The following MAP2K6 variants were observed in gnomAD, a reference collection of about 807,000 sequenced individuals.
The protein encoded by MAP2K6 is mitogen-activated protein kinase kinase 6.
Under a neutral mutation model 53.7 loss-of-function variants are expected in MAP2K6, and 16 were observed. That is an observed-to-expected ratio of 0.30 (90% CI 0.20 to 0.45). The LOEUF (loss-of-function observed/expected upper bound fraction) is 0.45, where lower values mean the gene tolerates loss of function less well. Among genes scored for constraint, MAP2K6 ranks in the 20% least tolerant of loss-of-function variants. The pLI, the probability that MAP2K6 is intolerant of heterozygous loss-of-function variation, is 1.00. For missense variants in MAP2K6, 204 were observed against 411.9 expected, an observed-to-expected ratio of 0.50 and a Z score of 4.37; for synonymous variants, 132 against 143.1, an observed-to-expected ratio of 0.92 and a Z score of 0.55.
At chr17:69,455,692 C>T (rs777982542) in intron 1 of MAP2K6, among the ~76,000 whole-genome samples, 86 of 152,158 alleles carry the variant, frequency 5.7e-4, no homozygotes, top group Admixed American at 7.2e-4. Context: ...CACATATGGT[C>T]TCTGCATATT....
chr17:69,435,038 C>T (rs1415841640), intron 1 of MAP2K6: 1 of 152,162 alleles, frequency 6.6e-6, no homozygotes, highest in Non-Finnish European at 1.5e-5. Flanking sequence ...TTCCTGCACT[C>T]CAGTTGGGCT....
chr17:69,462,954 T>C (rs1446994259), intron 1 of MAP2K6, among the ~76,000 whole-genome samples: 1 of 7,466 alleles, frequency 1.3e-4, no homozygotes, highest in Non-Finnish European at 5.1e-4. Context: ...ACTTGTCTTT[T>C]TTTTTTTTTT....
intron 10 of MAP2K6, 96 bp downstream of exon 10, chr17:69,526,805 C>T: frequency 7.1e-7 from 1 of 1,414,614 alleles, no homozygotes. Context: ...TGCATACATT[C>T]ATTCCGAAAG....
intron 1 of MAP2K6, among the ~76,000 whole-genome samples, chr17:69,421,624 C>T (rs1284333537): frequency 1.3e-5 from 2 of 151,466 alleles, no homozygotes; most frequent in Non-Finnish European, 2.9e-5. Flanking sequence ...CTGCAACCTC[C>T]GCCTCCTGGG....
At chr17:69,449,567 T>TTG (rs1567821822) in intron 1 of MAP2K6, among the ~76,000 whole-genome samples, 5 of 113,442 alleles carry the variant, frequency 4.4e-5, no homozygotes, top group African/African-American at 2.4e-4. Flanking sequence ...CTTTATTTCT[T>TTG]TCTTTCTTTC....
Position 69,541,784 on chromosome 17 carries a change from T to C in MAP2K6, c.*31T>C. On this transcript the variant is annotated 3_prime_UTR_variant, in exon 12 of 12. Coordinates refer to ENST00000590474, the MANE Select transcript of MAP2K6 (RefSeq NM_002758.4). ...AGTGGACTTAATCGGTTGACCCTAC[T>C]GTGGATTGGTGGGTTTCGGGGTGAA... The C allele has an allele frequency of 6.4e-7, 1 of 1,565,012 alleles. No individual in the cohort carries two copies. The highest frequency in any genetic ancestry group is 8.8e-7 in the Non-Finnish European group (1 of 1,137,744).
chr17:69,476,304 A>G (rs1460404117), intron 1 of MAP2K6, among the ~76,000 whole-genome samples: 2 of 152,194 alleles, frequency 1.3e-5, no homozygotes, highest in Non-Finnish European at 2.9e-5. Context: ...CTTCACTAAA[A>G]AACCCCTCAA....
chr17:69,525,080 G>A, intron 9 of MAP2K6, 102 bp downstream of exon 9: 1 of 920,994 alleles, frequency 1.1e-6, no homozygotes, highest in South Asian at 1.4e-5. Flanking sequence ...TGCTGGTTTG[G>A]GGCGCCCTCT....
intron 1 of MAP2K6, among the ~76,000 whole-genome samples, chr17:69,500,114 G>T (rs1287945715): frequency 1.3e-5 from 2 of 152,144 alleles, no homozygotes; most frequent in African/African-American, 4.8e-5. Context: ...TTCTGACTCT[G>T]AAATCAAACT....
chr17:69,480,433 G>A lies in MAP2K6; in HGVS notation c.17-25347G>A, dbSNP rs148888181. Among the ~76,000 whole-genome samples the A allele has an allele frequency of 3.6e-3, 544 of 152,324 alleles. 3 individuals carry two copies. The highest frequency in any genetic ancestry group is 0.012 in the African/African-American group (518 of 41,558). ...TAGTTTCAGCTTTTCAGAGAGCAAA[G>A]CTTCTGGTCCAACAGTATTTGGAAA... On this transcript the variant is annotated intron_variant, in intron 1 of 11. Transcript: ENST00000590474.
chr17:69,417,951 T>C (rs1054397339), intron 1 of MAP2K6, among the ~76,000 whole-genome samples: 2 of 152,230 alleles, frequency 1.3e-5, no homozygotes, highest in Admixed American at 6.5e-5. Flanking sequence ...AAGTAAATCA[T>C]GTAAGAAATG....
chr17:69,520,245 A>G (rs1265835634), intron 5 of MAP2K6, 25 bp from the exon 6 acceptor site: 1 of 1,203,054 alleles, frequency 8.3e-7, no homozygotes, highest in Non-Finnish European at 1.2e-6. Flanking sequence ...CCTTTTAAAC[A>G]ATTCCTGAAA....
intron 1 of MAP2K6, among the ~76,000 whole-genome samples, chr17:69,462,869 C>T (rs192341033): frequency 4.2e-4 from 64 of 150,886 alleles, no homozygotes; most frequent in African/African-American, 1.3e-3. Context: ...CTGAGGCGGG[C>T]GGAAAACGAG....
intron 1 of MAP2K6, among the ~76,000 whole-genome samples, chr17:69,437,305 G>C (rs1906679480): frequency 1.3e-5 from 2 of 152,112 alleles, no homozygotes; most frequent in South Asian, 4.2e-4. Flanking sequence ...AAATCATCAG[G>C]AAGAGAAAAT....
chr17:69,512,356 T>TTTTTTTTTTG (rs1382739219), intron 2 of MAP2K6, among the ~76,000 whole-genome samples: 2 of 138,412 alleles, frequency 1.4e-5, no homozygotes, highest in African/African-American at 2.8e-5. Flanking sequence ...TTTTTTTTTT[T>TTTTTTTTTTG]TGAGACAGAG....
At position 69,551,516 on chromosome 17, in the gene MAP2K6, C is replaced by T. The variant is rs1166017327; in HGVS notation, c.*9763C>T. ...AGCAAATTTAATAGCTGGGGTTTCA[C>T]AGCAACTGTTTTAGAAAACTATATG... On this transcript the variant is annotated 3_prime_UTR_variant, in exon 12 of 12. Transcript: ENST00000590474. 1 of 152,196 alleles carries T rather than the reference C, an allele frequency of 6.6e-6. No individual in the cohort carries two copies. The highest frequency in any genetic ancestry group is 1.5e-5 in the Non-Finnish European group (1 of 68,034). The allele number at this position is 152,196 out of a possible 1,614,324, so 9.4% of individuals were successfully genotyped here. A position where few individuals can be genotyped will look rare whatever the true frequency, so the allele number is the denominator to read the frequency against.
chr17:69,486,404 G>A (rs1908538305), intron 1 of MAP2K6, among the ~76,000 whole-genome samples: 1 of 152,176 alleles, frequency 6.6e-6, no homozygotes, highest in Non-Finnish European at 1.5e-5. Flanking sequence ...GGTTAAGTGT[G>A]TTCATTTCAC....
intron 2 of MAP2K6, among the ~76,000 whole-genome samples, chr17:69,515,339 TAG>T (rs1266797490): frequency 6.6e-6 from 1 of 152,014 alleles, no homozygotes; most frequent in Non-Finnish European, 1.5e-5. Context: ...GTGTTTTTAG[TAG>T]AGATGGGGTT....
intron 1 of MAP2K6, among the ~76,000 whole-genome samples, chr17:69,474,199 G>A (rs1567830716): frequency 2.6e-5 from 4 of 152,274 alleles, no homozygotes; most frequent in East Asian, 3.9e-4. Flanking sequence ...TTAATTTTGT[G>A]TATTCTCTAT....
Sources: allele counts gnomAD v4.1 joint callset (sites outside exome capture counted in the v4.1 genomes callset), GRCh38; gene constraint gnomAD v4.1.1; transcripts MANE v1.5; gene names NCBI Gene and HGNC (gene_info 2026-07-23, HGNC 2026-07-21).